SYNPO: variants seen among roughly 807,000 people sequenced by gnomAD.
SYNPO encodes the protein synaptopodin.
Under a neutral mutation model 49.5 loss-of-function variants are expected in SYNPO, and 19 were observed. The ratio of observed to expected loss-of-function variants is 0.38; its 90% CI spans 0.27 to 0.56. SYNPO has a LOEUF of 0.56. Among genes scored for constraint, SYNPO ranks in the 20% least tolerant of loss-of-function variants. The pLI is 0.68. For synonymous variants in SYNPO, 536 were observed against 548.0 expected (o/e 0.98, Z 0.31); for missense variants, 1,131 against 1,248.3 (o/e 0.91, Z 1.42).
At chr5:150,653,955 G>A (rs1758475889) in intron 2 of SYNPO, 1 of 152,160 alleles carries the variant, frequency 6.6e-6, no homozygotes, top group Non-Finnish European at 1.5e-5. Flanking sequence ...CTCCAGTTTG[G>A]AGTCTGGGCT....
chr5:150,620,152 C>G (rs1272941823), intron 2 of SYNPO, among the ~76,000 whole-genome samples: 2 of 152,208 alleles, frequency 1.3e-5, no homozygotes, highest in Non-Finnish European at 2.9e-5. Context: ...TACTTTCCTC[C>G]TCTGTGAAAA....
intron 1 of SYNPO, among the ~76,000 whole-genome samples, chr5:150,645,211 G>T (rs1758047853): frequency 6.6e-6 from 1 of 152,200 alleles, no homozygotes; most frequent in Admixed American, 6.5e-5. Flanking sequence ...TGAATTCAGA[G>T]CCTCGCTGGC....
intron 2 of SYNPO, among the ~76,000 whole-genome samples, chr5:150,628,020 CTGTGTGTGTGTGTTTCTG>C (rs1471747098): frequency 2.1e-5 from 3 of 142,092 alleles, no homozygotes; most frequent in African/African-American, 8.2e-5. Flanking sequence ...GTGTGTGTTT[CTGTGTGTGTGTGTTTCTG>C]TGTGTGTGTG....
chr5:150,638,995 C>T (rs376746947), upstream of SYNPO, among the ~76,000 whole-genome samples: 29 of 152,180 alleles, frequency 1.9e-4, no homozygotes, highest in African/African-American at 7.0e-4. Context: ...GTGAGCCCTC[C>T]CTTTTCAGTT....
At position 150,650,083 on chromosome 5, in the gene SYNPO, C is replaced by T. The variant is rs1464796596; in HGVS notation, c.1808C>T (p.Pro603Leu). The T allele has an allele frequency of 1.2e-6, 2 of 1,613,578 alleles. No individual in the cohort carries two copies. The highest frequency in any genetic ancestry group is 3.3e-4 in the Middle Eastern group (2 of 6,062). Residue 603 changes from proline to leucine, a missense_variant, in exon 2 of 3, where the codon CCC becomes CTC. Physicochemically the swap from Pro to Leu is moderately conservative, Grantham distance 98. This residue lies in a region of SYNPO where 509 missense variants were observed against 484.5 expected (regional missense o/e 1.05). Coordinates refer to ENST00000307662, the MANE Select transcript of SYNPO (RefSeq NM_007286.6). ...PSSLDLVPNL[P>L]KGALPPSPAL... ...TCCTTGGACCTGGTGCCCAACCTGC[C>T]CAAGGGGGCTCTCCCTCCATCTCCT... is the stretch of plus-strand genomic sequence containing the variant.
At chr5:150,602,263 C>G (rs1376542650) in intron 1 of SYNPO, among the ~76,000 whole-genome samples, 2 of 152,238 alleles carry the variant, frequency 1.3e-5, no homozygotes, top group African/African-American at 2.4e-5. Flanking sequence ...CACTGCCTTG[C>G]TACGGATGTT....
Position 150,657,050 on chromosome 5 carries a change from G to A in SYNPO, c.2675G>A (p.Arg892His). 1.3e-6 allele frequency: 2 copies of A among 1,597,978 alleles called. No homozygotes were observed. Among genetic ancestry groups the A allele is most frequent in the Admixed American group, 1.7e-5 (1 of 58,560 alleles). The part of the protein sequence containing the change: ...RGWNGSLRLK[R>H]GSLPAEASCT... ...TGGAATGGCAGCCTTCGGCTCAAGC[G>A]TGGCAGCCTCCCCGCCGAGGCCTCC... The change falls in exon 3 of 3, where the codon CGT (arginine) becomes CAT (histidine). Residue 892 changes from arginine to histidine, a missense_variant. Arg to His is a conservative substitution (Grantham distance 29). Transcript: ENST00000307662.
intron 2 of SYNPO, among the ~76,000 whole-genome samples, chr5:150,628,400 C>T (rs1174690096): frequency 6.6e-6 from 1 of 152,208 alleles, no homozygotes; most frequent in African/African-American, 2.4e-5. Flanking sequence ...GTGGCTAATA[C>T]ACAGATTCTG....
At chr5:150,602,999 T>TGC (rs1756588919) in intron 1 of SYNPO, among the ~76,000 whole-genome samples, 2 of 116,464 alleles carry the variant, frequency 1.7e-5, no homozygotes, top group South Asian at 5.6e-4. Context: ...CACCTTAGGG[T>TGC]GTGTGTGTGT....
chr5:150,590,150 G>A, the SYNPO span, among the ~76,000 whole-genome samples: 5 of 152,326 alleles, frequency 3.3e-5, no homozygotes, highest in Non-Finnish European at 5.9e-5. Context: ...CCATCAAAGC[G>A]CCAGCCGCAC....
At chr5:150,596,483 C>T (rs540600304), upstream of SYNPO, among the ~76,000 whole-genome samples, 1 of 152,142 alleles carries the variant, frequency 6.6e-6, no homozygotes, top group Non-Finnish European at 1.5e-5. Flanking sequence ...GGCGAGTTGA[C>T]GGACGGCCCC....
intron 1 of SYNPO, among the ~76,000 whole-genome samples, chr5:150,612,670 G>T (rs1346926179): frequency 6.6e-6 from 1 of 152,222 alleles, no homozygotes; most frequent in Non-Finnish European, 1.5e-5. Flanking sequence ...GGTGTGATGA[G>T]GATCAAATGA....
the SYNPO span, among the ~76,000 whole-genome samples, chr5:150,594,803 G>C: frequency 6.6e-6 from 1 of 152,164 alleles, no homozygotes; most frequent in Admixed American, 6.5e-5. Flanking sequence ...CAGAGATGGG[G>C]AAAGTCCTTC....
chr5:150,607,886 C>T (rs1756738325), intron 1 of SYNPO, among the ~76,000 whole-genome samples: 1 of 152,030 alleles, frequency 6.6e-6, no homozygotes, highest in Non-Finnish European at 1.5e-5. Context: ...AAGAAAAAAA[C>T]TTGTTAATGA....
Position 150,656,693 on chromosome 5 carries a change from G to C in SYNPO, c.2318G>C (p.Arg773Pro). Residue 773 changes from arginine to proline, a missense_variant, in exon 3 of 3, where the codon CGG becomes CCG. By Grantham distance (103) the Arg-to-Pro change is moderately radical. Around this residue, in one of 4 missense-constraint regions of SYNPO, gnomAD observed 509 missense variants for 484.5 expected, o/e 1.05. Transcript: ENST00000307662. ...NAARRKSASP[R>P]SAGAENPRPF... The stretch of plus-strand genomic sequence containing the variant: ...GCCCGGCGCAAGAGCGCCTCCCCGC[G>C]GTCGGCGGGCGCCGAGAACCCGCGG... 3 of 1,455,068 alleles carry C rather than the reference G, an allele frequency of 2.1e-6. No homozygotes were observed. The highest frequency in any genetic ancestry group is 2.7e-6 in the Non-Finnish European group (3 of 1,107,514). The allele number at this position is 1,455,068 out of a possible 1,614,324, so 90.1% of individuals were successfully genotyped here. A position where few individuals can be genotyped will look rare whatever the true frequency, so the allele number is the denominator to read the frequency against.
the SYNPO span, among the ~76,000 whole-genome samples, chr5:150,586,559 C>T: frequency 1.4e-5 from 2 of 142,184 alleles, no homozygotes; most frequent in African/African-American, 5.8e-5. Flanking sequence ...GATACATGGA[C>T]GGGTGGATGG....
At chr5:150,586,571 A>T in the SYNPO span, among the ~76,000 whole-genome samples, 1 of 149,698 alleles carries the variant, frequency 6.7e-6, no homozygotes, top group African/African-American at 2.5e-5. Flanking sequence ...GGTGGATGGA[A>T]GGATGGATGG....
upstream of SYNPO, among the ~76,000 whole-genome samples, chr5:150,597,157 C>CCATTTAA (rs1334313219): frequency 2.0e-4 from 31 of 152,298 alleles, no homozygotes; most frequent in African/African-American, 7.2e-4. Flanking sequence ...CCATTTAACG[C>CCATTTAA]CTCTTACTCT....
chr5:150,592,033 C>T, the SYNPO span, among the ~76,000 whole-genome samples: 22 of 152,120 alleles, frequency 1.4e-4, no homozygotes, highest in East Asian at 3.9e-4. Flanking sequence ...GGCATGGTGG[C>T]GCATGCCTAT....
Sources: allele counts gnomAD v4.1 joint callset (sites outside exome capture counted in the v4.1 genomes callset), GRCh38; gene constraint gnomAD v4.1.1; regional missense constraint gnomAD v4.1.1; transcripts MANE v1.5; gene names NCBI Gene and HGNC (gene_info 2026-07-23, HGNC 2026-07-21).